Variants in CNTN3 observed in about 807,000 individuals in gnomAD.
The protein encoded by CNTN3 is contactin-3.
Under a neutral mutation model 119.1 loss-of-function variants are expected in CNTN3, and 60 were observed. The observed-to-expected ratio is 0.50, with a 90% CI of 0.41 to 0.62. The LOEUF is 0.62. CNTN3 is among the 20% of genes least tolerant of loss of function. The probability of loss-of-function intolerance (pLI) is 0.00; values close to 1 mark genes in which losing one functional copy is unlikely to be tolerated. For missense variants in CNTN3, 1,101 were observed against 1,242.4 expected (o/e 0.89, Z 1.71); for synonymous variants, 450 against 438.7 (o/e 1.03, Z -0.32).
At chr3:74,376,155 C>T (rs1034195048) in intron 5 of CNTN3, among the ~76,000 whole-genome samples, 1 of 152,182 alleles carries the variant, frequency 6.6e-6, no homozygotes, top group African/African-American at 2.4e-5. Flanking sequence ...CCTGCTGACA[C>T]CTTGATGTGA....
chr3:74,360,733 C>T (rs954150264), intron 11 of CNTN3, among the ~76,000 whole-genome samples: 4 of 152,066 alleles, frequency 2.6e-5, no homozygotes, highest in African/African-American at 9.7e-5. Flanking sequence ...ACCAAGGTCC[C>T]TGTTTTCTTT....
intron 1 of CNTN3, among the ~76,000 whole-genome samples, chr3:74,542,260 A>C (rs963968997): frequency 6.6e-6 from 1 of 152,164 alleles, no homozygotes. Flanking sequence ...TAGCCTCTTC[A>C]GAGGTGAAAA....
At chr3:74,455,134 T>C (rs1702243184) in intron 4 of CNTN3, among the ~76,000 whole-genome samples, 1 of 152,168 alleles carries the variant, frequency 6.6e-6, no homozygotes. Context: ...CCCGTCACTT[T>C]CAGGTATACC....
chr3:74,272,424 A>G lies in CNTN3; in HGVS notation c.2705-5046T>C, dbSNP rs138076026. Among the ~76,000 whole-genome samples the G allele has an allele frequency of 2.6e-3, 397 of 152,310 alleles. 1 individual carries two copies. Among genetic ancestry groups the G allele is most frequent in the African/African-American group, 8.1e-3 (336 of 41,574 alleles). On this transcript the variant is annotated intron_variant, in intron 20 of 22. Coordinates refer to ENST00000263665, the MANE Select transcript of CNTN3 (RefSeq NM_020872.3). ...TTTCCTGATTCTATATTAGCAGAAA[A>G]TTCCTGTTTGAATACTGGTAAAGTT... is the stretch of plus-strand genomic sequence containing the variant.
intron 11 of CNTN3, among the ~76,000 whole-genome samples, chr3:74,337,752 C>CAGCCAA (rs888223243): frequency 6.6e-6 from 1 of 152,002 alleles, no homozygotes; most frequent in African/African-American, 2.4e-5. Context: ...GGTGGGGACA[C>CAGCCAA]AGCCAAACCA....
At chr3:74,501,138 C>G (rs1703159235) in intron 2 of CNTN3, among the ~76,000 whole-genome samples, 1 of 151,718 alleles carries the variant, frequency 6.6e-6, no homozygotes, top group South Asian at 2.1e-4. Flanking sequence ...ACTGGCCACA[C>G]TAGATCTTAG....
intron 8 of CNTN3, among the ~76,000 whole-genome samples, chr3:74,366,886 A>C (rs1490482418): frequency 1.4e-5 from 2 of 145,146 alleles, no homozygotes; most frequent in African/African-American, 5.1e-5. Context: ...TTCTTTCAGG[A>C]ATGATCAGCC....
chr3:74,462,882 A>G (rs929118121), intron 4 of CNTN3, among the ~76,000 whole-genome samples: 1 of 152,118 alleles, frequency 6.6e-6, no homozygotes, highest in African/African-American at 2.4e-5. Flanking sequence ...AACAATCAGC[A>G]TCTCTAATCT....
chr3:74,435,108 C>A (rs1030419740), intron 4 of CNTN3, among the ~76,000 whole-genome samples: 3 of 152,096 alleles, frequency 2.0e-5, no homozygotes, highest in Non-Finnish European at 2.9e-5. Flanking sequence ...TCCGCAAAAC[C>A]CAGTCTTTCT....
At chr3:74,587,584 A>C (rs987662789) in intron 1 of CNTN3, among the ~76,000 whole-genome samples, 4 of 152,070 alleles carry the variant, frequency 2.6e-5, no homozygotes, top group African/African-American at 9.7e-5. Context: ...GGTGATTTTG[A>C]GGACTTAACC....
chr3:74,517,722 G>A (rs1225231470), intron 2 of CNTN3, among the ~76,000 whole-genome samples: 1 of 151,666 alleles, frequency 6.6e-6, no homozygotes, highest in Non-Finnish European at 1.5e-5. Flanking sequence ...CCACATCTCT[G>A]TTCAATCTTT....
chr3:74,418,461 A>T (rs1701563102), intron 5 of CNTN3, among the ~76,000 whole-genome samples: 1 of 142,966 alleles, frequency 7.0e-6, no homozygotes, highest in South Asian at 2.2e-4. Context: ...CCTGCCTCAG[A>T]TTCCCAAATA....
chr3:74,355,967 T>C (rs1703925660), intron 11 of CNTN3, among the ~76,000 whole-genome samples: 1 of 152,018 alleles, frequency 6.6e-6, no homozygotes, highest in Admixed American at 6.6e-5. Context: ...AACAATCAGT[T>C]ACTCAAGTAC....
intron 13 of CNTN3, among the ~76,000 whole-genome samples, chr3:74,330,223 G>A (rs1703228562): frequency 6.6e-6 from 1 of 152,086 alleles, no homozygotes. Context: ...GGACACGGTG[G>A]TGCATGCCGG....
chr3:74,318,147 G>T (rs1027664015), intron 13 of CNTN3, among the ~76,000 whole-genome samples: 9 of 152,120 alleles, frequency 5.9e-5, no homozygotes, highest in Non-Finnish European at 1.2e-4. Flanking sequence ...TGAGGTTTCT[G>T]CATTCTTCAC....
chr3:74,301,758 T>A lies in CNTN3; in HGVS notation c.1834A>T (p.Thr612Ser). The A allele has an allele frequency of 6.2e-7, 1 of 1,614,104 alleles. No homozygotes were observed. The highest frequency in any genetic ancestry group is 1.7e-5 in the Admixed American group (1 of 60,016). ...ENVKVDEITD[T>S]TAQLSWKEGK... is the part of the protein sequence containing the mutation. ...TCTTTCCAAGAGAGTTGGGCTGTTG[T>A]GTCTGTAATTTCATCTACCTTCACA... The change falls in exon 15 of 23, where the codon ACA (threonine) becomes TCA (serine). Residue 612 changes from threonine (T) to serine (S), a missense_variant. By Grantham distance (58) the Thr-to-Ser change is moderately conservative. Transcript: ENST00000263665.
At chr3:74,449,236 C>T (rs970683355) in intron 4 of CNTN3, among the ~76,000 whole-genome samples, 3 of 151,844 alleles carry the variant, frequency 2.0e-5, no homozygotes, top group Non-Finnish European at 4.4e-5. Context: ...AACTGACATC[C>T]TGCCACAAGG....
intron 5 of CNTN3, among the ~76,000 whole-genome samples, chr3:74,394,441 A>T (rs1218684535): frequency 1.3e-5 from 2 of 152,170 alleles, no homozygotes; most frequent in Non-Finnish European, 2.9e-5. Context: ...ATGGCAAAAG[A>T]TCTATCATTC....
chr3:74,437,743 A>C (rs1420627972), intron 4 of CNTN3, among the ~76,000 whole-genome samples: 1 of 151,966 alleles, frequency 6.6e-6, no homozygotes, highest in Non-Finnish European at 1.5e-5. Flanking sequence ...TTTTTCCATC[A>C]AAACTACACT....
Sources: allele counts gnomAD v4.1 joint callset (sites outside exome capture counted in the v4.1 genomes callset), GRCh38; gene constraint gnomAD v4.1.1; transcripts MANE v1.5; gene names NCBI Gene and HGNC (gene_info 2026-07-23, HGNC 2026-07-21).